The following ASMT variants were observed in gnomAD, a reference collection of about 807,000 sequenced individuals.
The protein encoded by ASMT is acetylserotonin O-methyltransferase, also known as acetylserotonin N-methyltransferase.
ASMT carries 53 observed loss-of-function variants against 41.3 expected under a neutral mutation model. The ratio of observed to expected loss-of-function variants is 1.28; its 90% confidence interval spans 1.03 to 1.61. The LOEUF (loss-of-function observed/expected upper bound fraction) is 1.61. Among genes scored for constraint, ASMT ranks in the 40% most tolerant of loss-of-function variants. The pLI is 0.00. For synonymous variants in ASMT, 231 were observed against 184.8 expected, an observed-to-expected ratio of 1.25 and a Z score of -2.03; for missense variants, 531 against 441.3, an observed-to-expected ratio of 1.20 and a Z score of -1.82.
At chrX:1,617,704 C>A (rs1934189133) in intron 1 of ASMT, among the ~76,000 whole-genome samples, 1 of 151,738 alleles carries the variant, frequency 6.6e-6, no homozygotes, top group Non-Finnish European at 1.5e-5. Flanking sequence ...CAACCTCTGC[C>A]TCCCGGGTTC....
At chrX:1,634,122 C>T (rs1399062860) in intron 7 of ASMT, among the ~76,000 whole-genome samples, 1 of 152,108 alleles carries the variant, frequency 6.6e-6, no homozygotes, top group Non-Finnish European at 1.5e-5. Flanking sequence ...TCCACGACTA[C>T]CTTCAGGTTC....
chrX:1,635,243 C>T (rs1291062814), intron 7 of ASMT, among the ~76,000 whole-genome samples: 2 of 150,546 alleles, frequency 1.3e-5, no homozygotes. Context: ...CTCAGACTCC[C>T]AAAGTGCTGG....
intron 4 of ASMT, among the ~76,000 whole-genome samples, chrX:1,628,739 C>T (rs1934653794): frequency 6.6e-6 from 1 of 151,102 alleles, no homozygotes; most frequent in South Asian, 2.1e-4. Flanking sequence ...CATCTTCCCT[C>T]TCTTGTCTCC....
chrX:1,628,752 T>C (rs1429194297), intron 4 of ASMT, among the ~76,000 whole-genome samples: 3 of 150,752 alleles, frequency 2.0e-5, no homozygotes, highest in Non-Finnish European at 4.4e-5. Context: ...TTGTCTCCTC[T>C]CTCTTCTTCC....
chrX:1,616,255 C>T (rs1194983965), intron 1 of ASMT, among the ~76,000 whole-genome samples: 1 of 151,374 alleles, frequency 6.6e-6, no homozygotes, highest in Non-Finnish European at 1.5e-5. Context: ...TCTCGAACTC[C>T]TGACCTCAAG....
At chrX:1,632,378 G>T (rs1271610131) in intron 5 of ASMT, among the ~76,000 whole-genome samples, 1 of 152,122 alleles carries the variant, frequency 6.6e-6, no homozygotes, top group Non-Finnish European at 1.5e-5. Context: ...TCGGCCGGGC[G>T]CGGTGGCTCA....
At chrX:1,633,037 C>G in intron 6 of ASMT, 113 bp from the exon 7 acceptor site, 1 of 1,233,342 alleles carries the variant, frequency 8.1e-7, no homozygotes, top group Non-Finnish European at 1.2e-6. Context: ...CCAGACATGG[C>G]GGAAGGACCC....
chrX:1,615,349 AATG>A, intron 1 of ASMT, 81 bp downstream of exon 1: 2 of 1,301,850 alleles, frequency 1.5e-6, no homozygotes, highest in Non-Finnish European at 2.2e-6. Flanking sequence ...AGTCGAGAAA[AATG>A]ATGAGTCTCC....
chrX:1,630,079 C>T, intron 5 of ASMT, 140 bp downstream of exon 5: 1 of 813,482 alleles, frequency 1.2e-6, no homozygotes, highest in Non-Finnish European at 2.2e-6. Context: ...TCATTCCTCC[C>T]AGCACTGGGC....
rs750646579 is a variant in ASMT at position 1,625,891 on chromosome X, G to C, written c.374+1493G>C. Among the ~76,000 whole-genome samples, 118 of 146,704 alleles carry C rather than the reference G, an allele frequency of 8.0e-4. 1 individual carries two copies. The South Asian group carries it at 0.011, about 14-fold the overall frequency. ...AATGGTGTGAACCCGGGAGGCGGAG[G>C]TTGCAGTGAGCCAAGATCGCACCAC... On this transcript the variant is annotated intron_variant, in intron 3 of 8. Transcript: ENST00000381241.
Position 1,623,174 on chromosome X carries a change from C to A in ASMT, c.105C>A (p.Asp35Glu), listed in dbSNP as rs1198664414. 2.5e-6 allele frequency: 4 copies of A among 1,612,950 alleles called. No individual in the cohort carries two copies. The highest frequency in any genetic ancestry group is 1.3e-5 in the African/African-American group (1 of 74,886). ...CCGCCTGCGAGCTGGGCGTGTTTGA[C>A]CTTCTCGCCGAGGCCCCAGGGCCCC... ...LFAACELGVF[D>E]LLAEAPGPLD... The change falls in exon 2 of 9, where the codon GAC (aspartate) becomes GAA (glutamate). Residue 35 changes from aspartate to glutamate, a missense_variant. Transcript: ENST00000381241.
At chrX:1,626,954 A>G (rs1315336152) in intron 3 of ASMT, among the ~76,000 whole-genome samples, 28 of 143,016 alleles carry the variant, frequency 2.0e-4, no homozygotes, top group South Asian at 4.5e-4. Context: ...GCTTGAACCG[A>G]GGAGGTGGAG....
At chrX:1,624,169 TA>T in intron 2 of ASMT, 99 bp from the exon 3 acceptor site, 1 of 1,467,702 alleles carries the variant, frequency 6.8e-7, no homozygotes, top group Non-Finnish European at 9.5e-7. Flanking sequence ...GATGGGCTTG[TA>T]ATCATGTTGA....
At chrX:1,615,601 G>A (rs369377509) in intron 1 of ASMT, among the ~76,000 whole-genome samples, 3 of 151,982 alleles carry the variant, frequency 2.0e-5, no homozygotes, top group Admixed American at 1.3e-4. Context: ...TCGGGAGTTC[G>A]AGACCAGCCT....
intron 5 of ASMT, among the ~76,000 whole-genome samples, chrX:1,630,300 A>ATTTTTTTTTTTTTTTTTTTTTT (rs36011956): frequency 1.4e-5 from 1 of 71,098 alleles, no homozygotes; most frequent in African/African-American, 5.8e-5. Flanking sequence ...CACCAGGCTA[A>ATTTTTTTTTTTTTTTTTTTTTT]TTTTTTTTTT....
At chrX:1,618,719 G>A (rs1328761797) in intron 1 of ASMT, among the ~76,000 whole-genome samples, 2 of 152,244 alleles carry the variant, frequency 1.3e-5, no homozygotes, top group African/African-American at 2.4e-5. Flanking sequence ...TTATAGGCAT[G>A]AGCCAACATG....
At chrX:1,618,252 C>G (rs1385749562) in intron 1 of ASMT, among the ~76,000 whole-genome samples, 2 of 152,156 alleles carry the variant, frequency 1.3e-5, no homozygotes, top group Non-Finnish European at 2.9e-5. Flanking sequence ...CAACCTCTCC[C>G]TCCCAGGTTC....
intron 5 of ASMT, among the ~76,000 whole-genome samples, chrX:1,631,875 C>G (rs111708663): frequency 6.6e-6 from 1 of 152,082 alleles, no homozygotes; most frequent in African/African-American, 2.4e-5. Context: ...GGGTGAAACC[C>G]GGTCTCTACT....
At position 1,633,265 on chromosome X, in the gene ASMT, G is replaced by A. The variant is rs763609046; in HGVS notation, c.762G>A (p.Glu254=). 9 of 1,613,830 alleles carry A rather than the reference G, an allele frequency of 5.6e-6. No homozygotes were observed. Among genetic ancestry groups the A allele is most frequent in the Admixed American group, 5.0e-5 (3 of 59,976 alleles). Residue 254 remains glutamate (E), a synonymous_variant, in exon 7 of 9, where the codon GAG becomes GAA. Coordinates refer to ENST00000381241, the MANE Select transcript of ASMT (RefSeq NM_001171038.2). Reference sequence around the variant, plus strand: ...CAAAGCAGCACTTCTCATTCCAGGAGGAAGAACAGATTGACTTCCAGGAAG... The same window carrying A: ...CAAAGCAGCACTTCTCATTCCAGGAAGAAGAACAGATTGACTTCCAGGAAG... ...WTAKQHFSFQ[E]EEQIDFQEGD... is the part of the protein sequence containing the mutation.
Sources: gnomAD v4.1 joint callset for allele counts (sites outside exome capture counted in the v4.1 genomes callset) on GRCh38, gnomAD v4.1.1 for gene constraint, MANE v1.5 for transcripts, NCBI Gene and HGNC (gene_info 2026-07-23, HGNC 2026-07-21) for gene names.